TTC7B: variants seen among roughly 807,000 people sequenced by gnomAD.
TTC7B encodes tetratricopeptide repeat protein 7B.
A neutral mutation model predicts 106.8 loss-of-function variants in TTC7B; 28 were observed. The ratio of observed to expected loss-of-function variants is 0.26; its 90% CI spans 0.19 to 0.36. TTC7B has a LOEUF of 0.36. Among genes scored for constraint, TTC7B ranks in the 10% least tolerant of loss-of-function variants. The pLI, the probability that TTC7B is intolerant of heterozygous loss-of-function variation, is 1.00. For missense variants in TTC7B, 862 were observed against 1,076.4 expected (o/e 0.80, Z 2.79); for synonymous variants, 405 against 430.6 (o/e 0.94, Z 0.74).
At chr14:90,713,537 T>C (rs1184608527) in intron 5 of TTC7B, among the ~76,000 whole-genome samples, 5 of 152,176 alleles carry the variant, frequency 3.3e-5, no homozygotes, top group Non-Finnish European at 5.9e-5. Context: ...ATGGCTCTAA[T>C]TCAAAAAACT....
intron 19 of TTC7B, among the ~76,000 whole-genome samples, chr14:90,551,122 A>G (rs192872288): frequency 6.6e-6 from 1 of 152,318 alleles, no homozygotes; most frequent in East Asian, 1.9e-4. Context: ...CGCAGAGCCA[A>G]CACTCTTACA....
At chr14:90,764,432 C>T (rs1890606516) in intron 3 of TTC7B, among the ~76,000 whole-genome samples, 2 of 150,376 alleles carry the variant, frequency 1.3e-5, no homozygotes, top group South Asian at 4.2e-4. Context: ...ACCAAAACAA[C>T]AAAAATAATA....
chr14:90,805,033 C>G lies in TTC7B; in HGVS notation c.121+11142G>C, dbSNP rs2030522129. On this transcript the variant is annotated intron_variant, in intron 1 of 19. Coordinates refer to ENST00000328459, the MANE Select transcript of TTC7B (RefSeq NM_001010854.2). The surrounding 1 kb of genome is among the most constrained non-coding windows in gnomAD (Gnocchi z 4.0). ...CAGCAAGCCAGGACTCACCCGGAGC[C>G]CCAGGCAGGCAGGGCTACACAGCCA... Among the ~76,000 whole-genome samples, 1 of 152,122 alleles carries G rather than the reference C, an allele frequency of 6.6e-6. No homozygotes were observed.
Position 90,526,111 on chromosome 14 carries a change from T to C in TTC7B, c.*15257A>G, listed in dbSNP as rs190521520. On this transcript the variant is annotated 3_prime_UTR_variant, in exon 20 of 20. Transcript: ENST00000328459. ...TTTTTAAGAAACTGCCAAACTGTTT[T>C]CCAAAGTGGCTGTACCATTTTACAT... 3 of 152,358 alleles carry C rather than the reference T, an allele frequency of 2.0e-5. No homozygotes were observed. In the East Asian group the frequency reaches 5.8e-4, roughly 29 times the overall value. 9.4% of individuals were successfully genotyped at this position (152,358 alleles called of 1,614,324 possible).
chr14:90,660,417 A>AAAAAAAAAAAAAAAAAAAAAG (rs1555386791), intron 9 of TTC7B, among the ~76,000 whole-genome samples: 6 of 119,430 alleles, frequency 5.0e-5, no homozygotes, highest in African/African-American at 2.2e-4. Flanking sequence ...AAAAAAAAAA[A>AAAAAAAAAAAAAAAAAAAAAG]AAAAGAAAAG....
intron 15 of TTC7B, among the ~76,000 whole-genome samples, chr14:90,634,786 A>G (rs1884860944): frequency 6.6e-6 from 1 of 152,162 alleles, no homozygotes; most frequent in Non-Finnish European, 1.5e-5. Context: ...ACAAAACAAA[A>G]CAAAAAAGAA....
chr14:90,786,796 G>C (rs530254332), intron 1 of TTC7B, among the ~76,000 whole-genome samples: 1 of 152,014 alleles, frequency 6.6e-6, no homozygotes, highest in Non-Finnish European at 1.5e-5. Context: ...AGCCAGGCTG[G>C]TCTCAAACTC....
intron 5 of TTC7B, among the ~76,000 whole-genome samples, chr14:90,710,894 A>G (rs1177098114): frequency 1.3e-5 from 2 of 151,836 alleles, no homozygotes; most frequent in African/African-American, 2.4e-5. Context: ...ACATTATTGT[A>G]TGGTCTGAAA....
chr14:90,709,981 GAAA>G (rs71461919), intron 5 of TTC7B, among the ~76,000 whole-genome samples: 1 of 76,570 alleles, frequency 1.3e-5, no homozygotes, highest in Non-Finnish European at 2.3e-5. Flanking sequence ...TTATGTGCCA[GAAA>G]AAAAAAAAAA....
At chr14:90,542,231 G>T (rs1033573114) in intron 19 of TTC7B, among the ~76,000 whole-genome samples, 1 of 152,130 alleles carries the variant, frequency 6.6e-6, no homozygotes, top group African/African-American at 2.4e-5. Context: ...GAGCCACAGG[G>T]CCTGGCCTGT....
chr14:90,642,340 A>C (rs138605484), intron 15 of TTC7B, among the ~76,000 whole-genome samples: 1 of 152,352 alleles, frequency 6.6e-6, no homozygotes, highest in East Asian at 1.9e-4. Context: ...TGTGTGAACC[A>C]ATTTTCCAAG....
chr14:90,786,445 C>A (rs1478820954), intron 1 of TTC7B, 117 bp from the exon 2 acceptor site: 1 of 1,166,572 alleles, frequency 8.6e-7, no homozygotes, highest in Non-Finnish European at 1.2e-6. Flanking sequence ...CAGCAAGGTC[C>A]TTCTGGAACT....
intron 5 of TTC7B, among the ~76,000 whole-genome samples, chr14:90,700,227 C>T (rs927111044): frequency 1.3e-5 from 2 of 152,150 alleles, no homozygotes; most frequent in African/African-American, 4.8e-5. Context: ...TAGAGAGCTA[C>T]GTGGATAATG....
chr14:90,786,450 G>A (rs1187071053), intron 1 of TTC7B, 122 bp from the exon 2 acceptor site: 3 of 1,140,340 alleles, frequency 2.6e-6, no homozygotes, highest in Non-Finnish European at 3.7e-6. Flanking sequence ...AGGTCCTTCT[G>A]GAACTTCATA....
intron 5 of TTC7B, among the ~76,000 whole-genome samples, chr14:90,725,297 C>A (rs1205196662): frequency 1.3e-5 from 2 of 152,190 alleles, no homozygotes; most frequent in African/African-American, 4.8e-5. Context: ...GCGCCCTCAC[C>A]ATGATCACCT....
In TTC7B at chr14:90,577,006, T is replaced by C. The variant is rs1016318692; in HGVS notation, c.2310+1100A>G. On this transcript the variant is annotated intron_variant, in intron 19 of 19. Coordinates refer to ENST00000328459, the MANE Select transcript of TTC7B (RefSeq NM_001010854.2). The surrounding 1 kb of genome is among the most constrained non-coding windows in gnomAD (Gnocchi z 5.0). ...CTGAGGTTAAAGAGCAAGCAGCTGA[T>C]GTCGCTGGGACCAGAACTGTGTCCT... 2.7e-4 allele frequency among the ~76,000 whole-genome samples: 41 copies of C among 152,194 alleles called. No homozygotes were observed. The highest frequency in any genetic ancestry group is 9.9e-4 in the African/African-American group (41 of 41,430).
intron 5 of TTC7B, among the ~76,000 whole-genome samples, chr14:90,725,216 T>G (rs1333154959): frequency 4.6e-5 from 7 of 152,202 alleles, no homozygotes; most frequent in African/African-American, 1.7e-4. Context: ...AAGGCCAGAA[T>G]GCAAAGGCTA....
intron 3 of TTC7B, among the ~76,000 whole-genome samples, chr14:90,747,727 C>A (rs1185805678): frequency 6.6e-6 from 1 of 152,136 alleles, no homozygotes; most frequent in African/African-American, 2.4e-5. Context: ...ATGGATATTG[C>A]AATCCCCAAG....
rs1408285664 is a variant in TTC7B at position 90,529,964 on chromosome 14, T to C, written c.*11404A>G. The stretch of plus-strand genomic sequence containing the variant: ...GTGTTATAGATAGTATGATTTCACT[T>C]CATTAAATATCTATACTTGGCTGGG... On this transcript the variant is annotated 3_prime_UTR_variant, in exon 20 of 20. Transcript: ENST00000328459. 1 of 152,200 alleles carries C rather than the reference T, an allele frequency of 6.6e-6. No homozygotes were observed. The highest frequency in any genetic ancestry group is 1.5e-5 in the Non-Finnish European group (1 of 68,034). 9.4% of individuals were successfully genotyped at this position (152,200 alleles called of 1,614,324 possible). A position where few individuals can be genotyped will look rare whatever the true frequency, so the allele number is the denominator to read the frequency against.
Sources: allele counts gnomAD v4.1 joint callset (sites outside exome capture counted in the v4.1 genomes callset), GRCh38; gene constraint gnomAD v4.1.1; non-coding constraint Gnocchi (gnomAD v3.1); transcripts MANE v1.5; gene names NCBI Gene and HGNC (gene_info 2026-07-23, HGNC 2026-07-21).